The following SEMA3G variants were observed in gnomAD, a reference collection of about 807,000 sequenced individuals.
SEMA3G encodes the protein semaphorin 3G.
SEMA3G carries 70 observed loss-of-function variants against 86.2 expected under a neutral mutation model. That is an observed-to-expected ratio of 0.81 (90% CI 0.67 to 0.99). The LOEUF is 0.99. Ranked by LOEUF, SEMA3G falls within the 50% of genes least tolerant of loss-of-function variation. The probability of loss-of-function intolerance (pLI) is 0.00; values close to 1 mark genes in which losing one functional copy is unlikely to be tolerated. For missense variants in SEMA3G, 1,002 were observed against 1,072.4 expected, an observed-to-expected ratio of 0.93 and a Z score of 0.92; for synonymous variants, 416 against 441.4, an observed-to-expected ratio of 0.94 and a Z score of 0.72.
At position 52,442,339 on chromosome 3, in the gene SEMA3G, G is replaced by GAA; in HGVS notation, c.340-36_340-35insTT. On this transcript the variant is annotated intron_variant, in intron 3 of 15. Transcript: ENST00000231721. The surrounding 1 kb of genome is among the most constrained non-coding windows in gnomAD (Gnocchi z 6.1). ...GAAGGAGGGGGTGGTTGAGGGGTGA[G>GAA]AGGGGGTGCCCACCATCTCCTTGGG... 1.3e-6 allele frequency: 2 copies of GAA among 1,588,998 alleles called. No individual in the cohort carries two copies. Among genetic ancestry groups the GAA allele is most frequent in the Non-Finnish European group, 1.7e-6 (2 of 1,165,066 alleles).
At chr3:52,438,766 G>A in intron 13 of SEMA3G, 154 bp downstream of exon 13, 1 of 985,460 alleles carries the variant, frequency 1.0e-6, no homozygotes. Context: ...AGTGCCCACT[G>A]GCCACTTGTT....
In SEMA3G at chr3:52,434,825, A is replaced by AG. The variant is rs749815899; in HGVS notation, c.*777dup. ...GGACATGGAGAGCCTGACAATGGGG[A>AG]GGGGGTCCTCTCAGGAGGGGCAGGC... is the stretch of plus-strand genomic sequence containing the variant. On this transcript the variant is annotated 3_prime_UTR_variant, in exon 16 of 16. Transcript: ENST00000231721. The surrounding 1 kb of genome is among the most constrained non-coding windows in gnomAD (Gnocchi z 5.2). 6.6e-6 allele frequency: 1 copy of AG among 152,046 alleles called. No individual in the cohort carries two copies. The highest frequency in any genetic ancestry group is 1.5e-5 in the Non-Finnish European group (1 of 68,024). The allele number at this position is 152,046 out of a possible 1,614,324, so 9.4% of individuals were successfully genotyped here.
chr3:52,440,733 C>G (rs528347762), intron 9 of SEMA3G, 21 bp downstream of exon 9: 3 of 1,604,834 alleles, frequency 1.9e-6, no homozygotes, highest in Admixed American at 3.4e-5. Context: ...ATCGCAAGGC[C>G]GGGGTGCTGG....
rs149481070 is a variant in SEMA3G at position 52,441,864 on chromosome 3, G to A, written c.505C>T (p.Arg169Trp). 2,686 of 1,593,248 alleles carry A rather than the reference G, an allele frequency of 1.7e-3. 5 individuals are homozygous for A. The highest frequency in any genetic ancestry group is 2.5e-3 in the Middle Eastern group (15 of 5,996). The change falls in exon 5 of 16, where the codon CGG becomes TGG. Residue 169 changes from arginine to tryptophan, a missense_variant. Coordinates refer to ENST00000231721, the MANE Select transcript of SEMA3G (RefSeq NM_020163.3). ...EPGSVESGRG[R>W]CPHEPSRPFA... Reference sequence around the variant, plus strand: ...GGACGGCTGGGCTCGTGAGGGCACCGCCCCCGGCCACTTTCCACACTGCCA... The same window carrying A: ...GGACGGCTGGGCTCGTGAGGGCACCACCCCCGGCCACTTTCCACACTGCCA...
chr3:52,443,100 C>T lies in SEMA3G; in HGVS notation c.116-193G>A. On this transcript the variant is annotated intron_variant, in intron 1 of 15. Coordinates refer to ENST00000231721, the MANE Select transcript of SEMA3G (RefSeq NM_020163.3). ...GACAGGTGGGACGGGAGGCTCAGAG[C>T]CTCCCACCTGGCCCAGCCTACCCTG... is the stretch of plus-strand genomic sequence containing the variant. 3.3e-6 allele frequency: 5 copies of T among 1,503,914 alleles called. No homozygotes were observed. The East Asian group carries it at 7.5e-5, about 23-fold the overall frequency. The allele number at this position is 1,503,914 out of a possible 1,614,324, so 93.2% of individuals were successfully genotyped here.
Position 52,440,534 on chromosome 3 carries a change from A to C in SEMA3G, c.999-13T>G, listed in dbSNP as rs369913786. On this transcript the variant is annotated splice_polypyrimidine_tract_variant and intron_variant, in intron 9 of 15. Transcript: ENST00000231721. Reference sequence around the variant, plus strand: ...CTGGAACACGGCACTGCCGGGGCACATGGGACAGTCAGGCCAGAGTGGCCA... The same window carrying C: ...CTGGAACACGGCACTGCCGGGGCACCTGGGACAGTCAGGCCAGAGTGGCCA... The C allele has an allele frequency of 2.5e-6, 4 of 1,604,916 alleles. No homozygotes were observed. In the African/African-American group the frequency reaches 5.3e-5, roughly 21 times the overall value.
At position 52,435,617 on chromosome 3, in the gene SEMA3G, C is replaced by T; in HGVS notation, c.2335G>A (p.Val779Met). ...TCTGCCCCCTTCTACGTGGCCTCCA[C>T]CTCCCGGGGCGTCCGATTGTGCTCG... is the stretch of plus-strand genomic sequence containing the variant. ...HAEHNRTPRE[V>M]EAT Residue 779 changes from valine to methionine, a missense_variant, in exon 16 of 16, where the codon GTG becomes ATG. By Grantham distance (21) the Val-to-Met change is conservative. Coordinates refer to ENST00000231721, the MANE Select transcript of SEMA3G (RefSeq NM_020163.3). The T allele has an allele frequency of 2.5e-6, 4 of 1,612,248 alleles. No individual in the cohort carries two copies. The South Asian group carries it at 3.3e-5, about 13-fold the overall frequency.
At position 52,434,496 on chromosome 3, in the gene SEMA3G, T is replaced by C. The variant is rs918237672; in HGVS notation, c.*1107A>G. ...TCCAGGTGGCTTCTGAGCTAACTGA[T>C]GCCATCCTGAGTTCTTGTGGACACC... On this transcript the variant is annotated 3_prime_UTR_variant, in exon 16 of 16. Transcript: ENST00000231721. The surrounding 1 kb of genome is among the most constrained non-coding windows in gnomAD (Gnocchi z 5.2). 1.3e-5 allele frequency: 2 copies of C among 152,248 alleles called. No individual in the cohort carries two copies. Among genetic ancestry groups the C allele is most frequent in the Admixed American group, 1.3e-4 (2 of 15,284 alleles). The allele number at this position is 152,248 out of a possible 1,614,324, so 9.4% of individuals were successfully genotyped here.
At chr3:52,441,491 G>A (rs1706154144) in intron 6 of SEMA3G, 82 bp from the exon 7 acceptor site, 1 of 1,583,698 alleles carries the variant, frequency 6.3e-7, no homozygotes, top group African/African-American at 1.3e-5. Flanking sequence ...AGAGGAATGG[G>A]GCAGGGGACT....
chr3:52,443,158 C>T, intron 1 of SEMA3G: 1 of 858,676 alleles, frequency 1.2e-6, no homozygotes, highest in Non-Finnish European at 1.8e-6. Context: ...TTCCTTAGCC[C>T]TTCATCATGC....
chr3:52,435,927 C>T lies in SEMA3G; in HGVS notation c.2025G>A (p.Val675=). The T allele has an allele frequency of 6.2e-7, 1 of 1,613,968 alleles. No individual in the cohort carries two copies. Among genetic ancestry groups the T allele is most frequent in the East Asian group, 2.2e-5 (1 of 44,882 alleles). Residue 675 remains valine (V), a synonymous_variant, in exon 16 of 16, where the codon GTG becomes GTA. Coordinates refer to ENST00000231721, the MANE Select transcript of SEMA3G (RefSeq NM_020163.3). ...TVVRLALVVI[V]ASQLDNLFPP... is the part of the protein sequence containing the mutation. ...GGAACAGGTTGTCCAGCTGTGAGGC[C>T]ACAATCACCACCAGAGCCAGGCGGA...
At chr3:52,437,696 G>A in intron 14 of SEMA3G, 30 bp from the exon 15 acceptor site, 1 of 1,598,104 alleles carries the variant, frequency 6.3e-7, no homozygotes, top group Non-Finnish European at 8.6e-7. Flanking sequence ...GGCTCAGCTT[G>A]GGAACTATGG....
rs1274285698 is a variant in SEMA3G, at chr3:52,442,009, G to A, written c.460-100C>T. The A allele has an allele frequency of 3.8e-6, 5 of 1,320,806 alleles. No homozygotes were observed. Among genetic ancestry groups the A allele is most frequent in the Non-Finnish European group, 4.2e-6 (4 of 957,172 alleles). 81.8% of individuals were successfully genotyped at this position (1,320,806 alleles called of 1,614,324 possible). On this transcript the variant is annotated intron_variant, in intron 4 of 15. Transcript: ENST00000231721. The surrounding 1 kb of genome is among the most constrained non-coding windows in gnomAD (Gnocchi z 6.1). ...CCCTCGCGTGCGGCCAGAGAGCGGG[G>A]GTGGGCGGAAGGCGTCCTCATCCAG...
rs370421435 is a variant in SEMA3G, at chr3:52,439,780, A to G, written c.1376-9T>C. 2.5e-4 allele frequency: 410 copies of G among 1,612,694 alleles called. No individual in the cohort carries two copies. Among genetic ancestry groups the G allele is most frequent in the Non-Finnish European group, 3.3e-4 (392 of 1,179,628 alleles). On this transcript the variant is annotated splice_polypyrimidine_tract_variant and intron_variant, in intron 11 of 15. Transcript: ENST00000231721. ...GAGCACAGACCCTGAGTCTGGGGCCAGGGAGGAGGGGTCAGCGGGACAGGA... is the reference window on the plus strand; with the variant it reads ...GAGCACAGACCCTGAGTCTGGGGCCGGGGAGGAGGGGTCAGCGGGACAGGA...
chr3:52,433,279 C>T lies in SEMA3G; in HGVS notation c.*2324G>A, dbSNP rs779868305. ...ATGGGAGGGCTCTTCATTTTCAGCT[C>T]ATGTGCGCAGCATCAGTCCATTTAG... On this transcript the variant is annotated 3_prime_UTR_variant, in exon 16 of 16. Coordinates refer to ENST00000231721, the MANE Select transcript of SEMA3G (RefSeq NM_020163.3). 2.0e-5 allele frequency: 3 copies of T among 152,256 alleles called. No individual in the cohort carries two copies. The highest frequency in any genetic ancestry group is 4.4e-5 in the Non-Finnish European group (3 of 68,048). 9.4% of individuals were successfully genotyped at this position (152,256 alleles called of 1,614,324 possible). A position where few individuals can be genotyped will look rare whatever the true frequency, so the allele number is the denominator to read the frequency against.
Position 52,442,232 on chromosome 3 carries a change from C to T in SEMA3G, c.412G>A (p.Ala138Thr), listed in dbSNP as rs1706172561. Residue 138 changes from alanine (A) to threonine (T), a missense_variant, in exon 4 of 16, where the codon GCC becomes ACC. Transcript: ENST00000231721. This position sits in a 1 kb window ranked among gnomAD's most constrained non-coding sequence, Gnocchi z 6.1. ...RTHLLACGTG[A>T]FQPTCALITV... ...ATGAGGGCACAGGTGGGCTGGAAGG[C>T]CCCAGTGCCACAGGCTAGCAGGTGG... 6.2e-7 allele frequency: 1 copy of T among 1,613,916 alleles called. No individual in the cohort carries two copies. Among genetic ancestry groups the T allele is most frequent in the Non-Finnish European group, 8.5e-7 (1 of 1,179,922 alleles).
In SEMA3G at chr3:52,435,521, G is replaced by T; in HGVS notation, c.*82C>A. On this transcript the variant is annotated 3_prime_UTR_variant, in exon 16 of 16. Coordinates refer to ENST00000231721, the MANE Select transcript of SEMA3G (RefSeq NM_020163.3). Reference sequence around the variant, plus strand: ...GGCAAACAGACATCCTGACCCCTCTGCCCTAGCTGGGTGGGTGGGAGATGC... The same window carrying T: ...GGCAAACAGACATCCTGACCCCTCTTCCCTAGCTGGGTGGGTGGGAGATGC... 7.3e-7 allele frequency: 1 copy of T among 1,360,952 alleles called. No homozygotes were observed. The highest frequency in any genetic ancestry group is 1.0e-6 in the Non-Finnish European group (1 of 985,564). 84.3% of individuals were successfully genotyped at this position (1,360,952 alleles called of 1,614,324 possible).
In SEMA3G at chr3:52,433,506, G is replaced by A. The variant is rs888113698; in HGVS notation, c.*2097C>T. 3 of 152,570 alleles carry A rather than the reference G, an allele frequency of 2.0e-5. No homozygotes were observed. The highest frequency in any genetic ancestry group is 2.9e-5 in the Non-Finnish European group (2 of 68,044). The allele number at this position is 152,570 out of a possible 1,614,324, so 9.5% of individuals were successfully genotyped here. Reference sequence around the variant, plus strand: ...CAACACACAAATACAAAAACAACTCGCATTTACGGGGCGTTTCCAGGAGTT... The same window carrying A: ...CAACACACAAATACAAAAACAACTCACATTTACGGGGCGTTTCCAGGAGTT... On this transcript the variant is annotated 3_prime_UTR_variant, in exon 16 of 16. Coordinates refer to ENST00000231721, the MANE Select transcript of SEMA3G (RefSeq NM_020163.3).
In SEMA3G at chr3:52,442,569, C is replaced by T. The variant is rs1311207645; in HGVS notation, c.329G>A (p.Arg110Lys). The change falls in exon 3 of 16, where the codon AGA (arginine) becomes AAA (lysine). Residue 110 changes from arginine (R) to lysine (K), a missense_variant. Arg to Lys is a conservative substitution (Grantham distance 26, BLOSUM62 2). Coordinates refer to ENST00000231721, the MANE Select transcript of SEMA3G (RefSeq NM_020163.3). This position sits in a 1 kb window ranked among gnomAD's most constrained non-coding sequence, Gnocchi z 6.1. ...CCCGACAGCACTCACCAAAGGATCT[C>T]TTCCCTTTCGAACACACTCCTCCCT... is the stretch of plus-strand genomic sequence containing the variant. ...GQREECVRKG[R>K]DPLTECANFV... 2.5e-6 allele frequency: 4 copies of T among 1,614,000 alleles called. No individual in the cohort carries two copies. In the Admixed American group the frequency reaches 6.7e-5, roughly 27 times the overall value.
Sources: gnomAD v4.1 joint callset for allele counts on GRCh38, gnomAD v4.1.1 for gene constraint, Gnocchi (gnomAD v3.1) non-coding constraint, MANE v1.5 for transcripts, NCBI Gene and HGNC (gene_info 2026-07-23, HGNC 2026-07-21) for gene names.